RPH3AL: variants seen among roughly 807,000 people sequenced by gnomAD.
The protein encoded by RPH3AL is rabphilin 3A like (without C2 domains).
In RPH3AL, 38 loss-of-function variants were observed where a neutral mutation model predicts 43.1. The observed-to-expected ratio is 0.88, with a 90% CI of 0.68 to 1.15. The LOEUF (loss-of-function observed/expected upper bound fraction) is 1.15. Among genes scored for constraint, RPH3AL ranks in the 50% most tolerant of loss-of-function variants. The pLI, the probability that RPH3AL is intolerant of heterozygous loss-of-function variation, is 0.00. For missense variants in RPH3AL, 462 were observed against 423.2 expected, an observed-to-expected ratio of 1.09 and a Z score of -0.81; for synonymous variants, 189 against 176.3, an observed-to-expected ratio of 1.07 and a Z score of -0.57.
chr17:324,710 C>CTATCTATCTAT (rs1204379795), intron 3 of RPH3AL, among the ~76,000 whole-genome samples: 5,834 of 151,058 alleles, frequency 0.039, 154 homozygotes, highest in African/African-American at 0.049. Flanking sequence ...TAGCTATGTA[C>CTATCTATCTAT]CTATCTATCT....
intron 7 of RPH3AL, among the ~76,000 whole-genome samples, chr17:224,305 C>T (rs1285404641): frequency 2.7e-5 from 4 of 150,810 alleles, no homozygotes; most frequent in Non-Finnish European, 6.0e-5. Flanking sequence ...TCTACTTTTC[C>T]TCCTGCATCC....
At chr17:327,353 C>G (rs1598140200) in intron 3 of RPH3AL, 114 bp downstream of exon 3, 1 of 910,566 alleles carries the variant, frequency 1.1e-6, no homozygotes, top group East Asian at 2.4e-5. Flanking sequence ...ATCCGACAGG[C>G]ACCTCTCTCC....
intron 5 of RPH3AL, among the ~76,000 whole-genome samples, chr17:300,050 AGCC>A (rs1290041583): frequency 0.037 from 1,987 of 54,186 alleles, 290 homozygotes; most frequent in Non-Finnish European, 0.057. Flanking sequence ...GGGCTGGCCC[AGCC>A]TAGGCCTGCA....
intron 6 of RPH3AL, chr17:261,883 C>G (rs554473644): frequency 6.6e-6 from 1 of 152,310 alleles, no homozygotes; most frequent in South Asian, 2.1e-4. Context: ...CGCTCAGGAA[C>G]TACTCTGGGG....
intron 6 of RPH3AL, among the ~76,000 whole-genome samples, chr17:270,102 C>T (rs2042426303): frequency 6.6e-6 from 1 of 152,122 alleles, no homozygotes; most frequent in Admixed American, 6.5e-5. Flanking sequence ...GTATGACCAT[C>T]CGGGTCCCCC....
rs190866477 is a variant in RPH3AL at position 342,600 on chromosome 17, A to T, written c.-212-8666T>A. Among the ~76,000 whole-genome samples, 689 of 152,392 alleles carry T rather than the reference A, an allele frequency of 4.5e-3. 4 individuals are homozygous for T. The highest frequency in any genetic ancestry group is 8.4e-3 in the Admixed American group (129 of 15,302). On this transcript the variant is annotated intron_variant, in intron 1 of 9. Coordinates refer to ENST00000331302, the MANE Select transcript of RPH3AL (RefSeq NM_006987.4). ...AATCTGTTAAAAGAAGCCAGTCACA[A>T]AAAACCACATATATGATCCCATTTA...
chr17:324,402 T>C (rs1395974943), intron 3 of RPH3AL, among the ~76,000 whole-genome samples: 4 of 152,136 alleles, frequency 2.6e-5, no homozygotes, highest in Non-Finnish European at 4.4e-5. Flanking sequence ...CCCCTTGCAA[T>C]GTCCCCTCCA....
At chr17:273,836 C>G (rs1247409592) in intron 6 of RPH3AL, among the ~76,000 whole-genome samples, 1 of 152,194 alleles carries the variant, frequency 6.6e-6, no homozygotes, top group Non-Finnish European at 1.5e-5. Flanking sequence ...GAGGCAAAGC[C>G]AATGCTGAAC....
rs905465837 is a variant in RPH3AL, at chr17:225,043, A to G, written c.614-5307T>C. On this transcript the variant is annotated intron_variant, in intron 7 of 9. Transcript: ENST00000331302. This position sits in a 1 kb window ranked among gnomAD's most constrained non-coding sequence, Gnocchi z 4.4. ...ACGAGTTAATGGGTGCAGCACACCAACACGGCACATGTATACAGATGTAAC... is the reference window on the plus strand; with the variant it reads ...ACGAGTTAATGGGTGCAGCACACCAGCACGGCACATGTATACAGATGTAAC... Among the ~76,000 whole-genome samples the G allele has an allele frequency of 6.6e-6, 1 of 151,896 alleles. No homozygotes were observed. The highest frequency in any genetic ancestry group is 2.4e-5 in the African/African-American group (1 of 41,318).
chr17:351,962 C>T (rs997761896), intron 1 of RPH3AL, among the ~76,000 whole-genome samples: 23 of 152,314 alleles, frequency 1.5e-4, no homozygotes, highest in Middle Eastern at 3.4e-3. Flanking sequence ...CCTGCATGTG[C>T]GTACAGGCCG....
chr17:228,845 C>A (rs926724109), intron 7 of RPH3AL, among the ~76,000 whole-genome samples: 6 of 152,190 alleles, frequency 3.9e-5, no homozygotes, highest in African/African-American at 1.4e-4. Context: ...CTCTCTGGAC[C>A]CTTTTTCTGT....
chr17:267,513 C>T (rs778778678), intron 6 of RPH3AL, among the ~76,000 whole-genome samples: 2 of 152,246 alleles, frequency 1.3e-5, no homozygotes, highest in Non-Finnish European at 2.9e-5. Flanking sequence ...TGTGTTTAAA[C>T]ACAGTCTCAG....
chr17:284,135 C>G (rs2042848239), intron 5 of RPH3AL, among the ~76,000 whole-genome samples: 1 of 152,194 alleles, frequency 6.6e-6, no homozygotes, highest in Non-Finnish European at 1.5e-5. Context: ...CCTGCATAGG[C>G]TGCTGAACGA....
At chr17:269,293 C>T (rs549840534) in intron 6 of RPH3AL, among the ~76,000 whole-genome samples, 49 of 152,228 alleles carry the variant, frequency 3.2e-4, no homozygotes, top group African/African-American at 9.9e-4. Flanking sequence ...TGTGAGCCAC[C>T]GTGCCTGACC....
intron 5 of RPH3AL, among the ~76,000 whole-genome samples, chr17:293,899 C>G (rs1338688763): frequency 1.3e-5 from 2 of 152,048 alleles, no homozygotes; most frequent in Admixed American, 6.6e-5. Flanking sequence ...CGCGGTGGTA[C>G]TCACCCGGAA....
intron 6 of RPH3AL, among the ~76,000 whole-genome samples, chr17:269,974 C>T (rs2042423397): frequency 1.3e-5 from 2 of 152,170 alleles, no homozygotes; most frequent in Non-Finnish European, 2.9e-5. Context: ...GGCTGGTGAG[C>T]ACCAGGAGCC....
intron 6 of RPH3AL, among the ~76,000 whole-genome samples, chr17:277,018 T>C: frequency 6.6e-6 from 1 of 152,268 alleles, no homozygotes; most frequent in Admixed American, 6.5e-5. Flanking sequence ...AGCTAATTAT[T>C]AGAAAAATAA....
chr17:291,787 A>T (rs2151622970), intron 5 of RPH3AL, among the ~76,000 whole-genome samples: 1 of 152,344 alleles, frequency 6.6e-6, no homozygotes. Context: ...TAAGCTGTTA[A>T]GTTAAAAAAA....
At chr17:217,525 G>C (rs1205869415) in intron 8 of RPH3AL, among the ~76,000 whole-genome samples, 19 of 68,154 alleles carry the variant, frequency 2.8e-4, no homozygotes, top group Non-Finnish European at 3.5e-4. Context: ...GCTAAAATTG[G>C]CCTCACTGGA....
Sources: gnomAD v4.1 joint callset for allele counts (sites outside exome capture counted in the v4.1 genomes callset) on GRCh38, gnomAD v4.1.1 for gene constraint, Gnocchi (gnomAD v3.1) non-coding constraint, MANE v1.5 for transcripts, NCBI Gene and HGNC (gene_info 2026-07-23, HGNC 2026-07-21) for gene names.